ATP6V1H: variants seen among roughly 807,000 people sequenced by gnomAD.
The protein encoded by ATP6V1H is V-type proton ATPase subunit H.
ATP6V1H carries 39 observed loss-of-function variants against 71.7 expected under a neutral mutation model. The observed-to-expected ratio is 0.54, with a 90% CI of 0.42 to 0.71. The LOEUF is 0.71. ATP6V1H is among the 30% of genes least tolerant of loss of function. ATP6V1H has a pLI of 0.00. For synonymous variants in ATP6V1H, 192 were observed against 199.3 expected (o/e 0.96, Z 0.31); for missense variants, 509 against 594.9 (o/e 0.86, Z 1.50).
At position 53,795,766 on chromosome 8, in the gene ATP6V1H, C is replaced by T. The variant is rs769080155; in HGVS notation, c.751G>A (p.Ala251Thr). Residue 251 changes from alanine (A) to threonine (T), a missense_variant, in exon 9 of 14, where the codon GCA (alanine) becomes ACA (threonine). By Grantham distance (58) the Ala-to-Thr change is moderately conservative. Transcript: ENST00000359530. ...TGTTCACACATTTGAGGACTGAATGCCAGGAGCCATATTGAAAAAATCATT... is the reference window on the plus strand; with the variant it reads ...TGTTCACACATTTGAGGACTGAATGTCAGGAGCCATATTGAAAAAATCATT... ...YQMIFSIWLL[A>T]FSPQMCEHLR... 6.2e-7 allele frequency: 1 copy of T among 1,613,946 alleles called. No individual in the cohort carries two copies. The highest frequency in any genetic ancestry group is 1.1e-5 in the South Asian group (1 of 91,064).
At chr8:53,841,454 G>A (rs1428091563) in intron 2 of ATP6V1H, 124 bp downstream of exon 2, 1 of 1,148,436 alleles carries the variant, frequency 8.7e-7, no homozygotes, top group East Asian at 2.4e-5. Context: ...TTATTCTGAA[G>A]AGGAAGTGTT....
At chr8:53,732,673 A>G (rs1401427366) in intron 13 of ATP6V1H, among the ~76,000 whole-genome samples, 19 of 142,304 alleles carry the variant, frequency 1.3e-4, no homozygotes, top group African/African-American at 5.3e-4. Context: ...AAAAAAAAAG[A>G]AAAAAAAAAG....
chr8:53,746,039 T>A (rs1388050537), intron 12 of ATP6V1H, among the ~76,000 whole-genome samples: 1 of 152,160 alleles, frequency 6.6e-6, no homozygotes, highest in Non-Finnish European at 1.5e-5. Flanking sequence ...TAGGACTGAT[T>A]AAAAACATAC....
chr8:53,754,172 C>T (rs1056886698), intron 12 of ATP6V1H, among the ~76,000 whole-genome samples: 1 of 152,086 alleles, frequency 6.6e-6, no homozygotes, highest in Non-Finnish European at 1.5e-5. Context: ...TTTAGTGCCT[C>T]GTCTTGCAAG....
intron 4 of ATP6V1H, among the ~76,000 whole-genome samples, chr8:53,819,549 T>G: frequency 2.5e-5 from 1 of 40,020 alleles, no homozygotes. Flanking sequence ...AAAAAAAGCA[T>G]ATATATATAT....
chr8:53,765,738 C>G (rs1294794098), intron 11 of ATP6V1H, among the ~76,000 whole-genome samples: 1 of 152,114 alleles, frequency 6.6e-6, no homozygotes, highest in Non-Finnish European at 1.5e-5. Flanking sequence ...CAATCCCAAT[C>G]AAAATCCTGG....
intron 11 of ATP6V1H, among the ~76,000 whole-genome samples, chr8:53,762,709 A>AG (rs372733119): frequency 5.3e-5 from 8 of 152,340 alleles, no homozygotes; most frequent in African/African-American, 1.9e-4. Flanking sequence ...GCAAAAAAAA[A>AG]GAAATAAAAG....
chr8:53,738,391 C>A (rs1280874652), intron 13 of ATP6V1H, among the ~76,000 whole-genome samples: 2 of 152,146 alleles, frequency 1.3e-5, no homozygotes, highest in Non-Finnish European at 2.9e-5. Context: ...GCCCCACCCA[C>A]AGAAGGAAGA....
intron 9 of ATP6V1H, among the ~76,000 whole-genome samples, chr8:53,791,233 A>G (rs1226238570): frequency 6.6e-6 from 1 of 152,222 alleles, no homozygotes; most frequent in Non-Finnish European, 1.5e-5. Flanking sequence ...CCCTCAGAGC[A>G]GGAGAGCACA....
At chr8:53,816,990 T>C (rs1030156880) in intron 5 of ATP6V1H, among the ~76,000 whole-genome samples, 2 of 152,158 alleles carry the variant, frequency 1.3e-5, no homozygotes, top group African/African-American at 2.4e-5. Flanking sequence ...CCTTGTAGTC[T>C]ACAAAACCTC....
At chr8:53,781,938 C>A (rs530719430) in intron 9 of ATP6V1H, among the ~76,000 whole-genome samples, 3 of 152,300 alleles carry the variant, frequency 2.0e-5, no homozygotes, top group African/African-American at 7.2e-5. Flanking sequence ...GTTTTGGTTA[C>A]TATAGCCTTG....
intron 2 of ATP6V1H, 39 bp from the exon 3 acceptor site, chr8:53,833,125 TG>T (rs1247171421): frequency 1.3e-6 from 2 of 1,521,732 alleles, no homozygotes; most frequent in Non-Finnish European, 9.1e-7. Context: ...CAGTAAGAGT[TG>T]AATATGTAAG....
intron 4 of ATP6V1H, among the ~76,000 whole-genome samples, chr8:53,827,270 T>A (rs1810853472): frequency 6.6e-6 from 1 of 151,204 alleles, no homozygotes; most frequent in Non-Finnish European, 1.5e-5. Context: ...GTAATCCCAG[T>A]TTCTCGGGAG....
chr8:53,730,744 G>A (rs1279323987), intron 13 of ATP6V1H, among the ~76,000 whole-genome samples: 1 of 152,124 alleles, frequency 6.6e-6, no homozygotes, highest in Non-Finnish European at 1.5e-5. Context: ...CTTTTCAGTA[G>A]TTAAAATTCT....
rs148941461 is a variant in ATP6V1H, at chr8:53,786,882, A to T, written c.870+8765T>A. Reference sequence around the variant, plus strand: ...CTGCTGGCCTTGTAAAATATATGTGAAAGCAGTGTTTCGAAAACCATCGGT... The same window carrying T: ...CTGCTGGCCTTGTAAAATATATGTGTAAGCAGTGTTTCGAAAACCATCGGT... On this transcript the variant is annotated intron_variant, in intron 9 of 13. Coordinates refer to ENST00000359530, the MANE Select transcript of ATP6V1H (RefSeq NM_015941.4). 2.2e-3 allele frequency among the ~76,000 whole-genome samples: 333 copies of T among 152,374 alleles called. 2 individuals are homozygous for T. The highest frequency in any genetic ancestry group is 7.7e-3 in the African/African-American group (321 of 41,600).
At chr8:53,724,374 A>G (rs1339569734) in intron 13 of ATP6V1H, among the ~76,000 whole-genome samples, 1 of 152,138 alleles carries the variant, frequency 6.6e-6, no homozygotes, top group Non-Finnish European at 1.5e-5. Context: ...ATGTTCCCTA[A>G]TATCCTTTTT....
rs538649450 is a variant in ATP6V1H at position 53,803,305 on chromosome 8, C to G, written c.580-1409G>C. ...TGAGCCAAGATCACGCCACTGCACT[C>G]TAGCCTGGGTGACAGAGTGAGACTC... On this transcript the variant is annotated intron_variant, in intron 7 of 13. Coordinates refer to ENST00000359530, the MANE Select transcript of ATP6V1H (RefSeq NM_015941.4). 2.6e-5 allele frequency among the ~76,000 whole-genome samples: 4 copies of G among 151,830 alleles called. No homozygotes were observed. In the South Asian group the frequency reaches 8.3e-4, roughly 32 times the overall value.
At chr8:53,831,461 A>G (rs1811004102) in intron 3 of ATP6V1H, among the ~76,000 whole-genome samples, 1 of 152,262 alleles carries the variant, frequency 6.6e-6, no homozygotes, top group Non-Finnish European at 1.5e-5. Flanking sequence ...TTACCAAAAC[A>G]TCTTTATGTA....
At position 53,801,927 on chromosome 8, in the gene ATP6V1H, TG is replaced by T. The variant is rs761839474; in HGVS notation, c.580-32del. The T allele has an allele frequency of 1.2e-5, 19 of 1,590,076 alleles. No individual in the cohort carries two copies. The African/African-American group carries it at 1.7e-4, about 15-fold the overall frequency. On this transcript the variant is annotated intron_variant, in intron 7 of 13. Coordinates refer to ENST00000359530, the MANE Select transcript of ATP6V1H (RefSeq NM_015941.4). ...CAAGAAGAAGTGTTGAGTTTTTAAA[TG>T]GGAAGCATTTAAAGTCATGCGATCA...
Sources: allele counts gnomAD v4.1 joint callset (sites outside exome capture counted in the v4.1 genomes callset), GRCh38; gene constraint gnomAD v4.1.1; transcripts MANE v1.5; gene names NCBI Gene and HGNC (gene_info 2026-07-23, HGNC 2026-07-21).